IMMP2L: variants seen among roughly 807,000 people sequenced by gnomAD.
IMMP2L encodes mitochondrial inner membrane protease subunit 2.
Under a neutral mutation model 19.3 loss-of-function variants are expected in IMMP2L, and 18 were observed. That is an observed-to-expected ratio of 0.93 (90% CI 0.64 to 1.38). IMMP2L has a LOEUF of 1.38. Ranked by LOEUF, IMMP2L falls within the 40% of genes most tolerant of loss-of-function variation. The pLI, the probability that IMMP2L is intolerant of heterozygous loss-of-function variation, is 0.00. For synonymous variants in IMMP2L, 76 were observed against 73.0 expected, an observed-to-expected ratio of 1.04 and a Z score of -0.21; for missense variants, 233 against 218.2, an observed-to-expected ratio of 1.07 and a Z score of -0.43.
intron 5 of IMMP2L, among the ~76,000 whole-genome samples, chr7:110,668,094 A>G (rs749548722): frequency 6.6e-6 from 1 of 152,112 alleles, no homozygotes; most frequent in Non-Finnish European, 1.5e-5. Context: ...CTTCATAGAA[A>G]TGAAGTCTGT....
chr7:111,291,156 C>T (rs1313099171), intron 3 of IMMP2L, among the ~76,000 whole-genome samples: 1 of 152,022 alleles, frequency 6.6e-6, no homozygotes, highest in Non-Finnish European at 1.5e-5. Flanking sequence ...TAAAAAGAGG[C>T]AGTGGAAAGA....
At chr7:110,902,058 G>T (rs1172771201) in intron 4 of IMMP2L, among the ~76,000 whole-genome samples, 1 of 152,030 alleles carries the variant, frequency 6.6e-6, no homozygotes, top group Non-Finnish European at 1.5e-5. Context: ...AACATGATTA[G>T]TAAGGTAGAA....
chr7:110,704,409 T>C (rs1039953725), intron 5 of IMMP2L, among the ~76,000 whole-genome samples: 2 of 152,342 alleles, frequency 1.3e-5, no homozygotes, highest in Middle Eastern at 3.4e-3. Flanking sequence ...AACTTTCCAA[T>C]GCATGATGTA....
chr7:111,479,732 T>A (rs915997028), intron 3 of IMMP2L, among the ~76,000 whole-genome samples: 1 of 152,074 alleles, frequency 6.6e-6, no homozygotes, highest in African/African-American at 2.4e-5. Flanking sequence ...GAAACAGCAT[T>A]CTCAGAGACT....
intron 3 of IMMP2L, among the ~76,000 whole-genome samples, chr7:111,265,429 G>C (rs1344959689): frequency 6.6e-6 from 1 of 152,090 alleles, no homozygotes; most frequent in Non-Finnish European, 1.5e-5. Flanking sequence ...AACCATTTTG[G>C]AGCAGTGATA....
chr7:110,848,148 T>C lies in IMMP2L; in HGVS notation c.408+38445A>G, dbSNP rs186693479. ...AAGCCACAGACTGTGAGAAAGTATTTGTAAAAGAAATGTCTGATAGAGAAC... is the reference window on the plus strand; with the variant it reads ...AAGCCACAGACTGTGAGAAAGTATTCGTAAAAGAAATGTCTGATAGAGAAC... On this transcript the variant is annotated intron_variant, in intron 5 of 5. Coordinates refer to ENST00000405709, the MANE Select transcript of IMMP2L (RefSeq NM_032549.4). 3.9e-4 allele frequency among the ~76,000 whole-genome samples: 59 copies of C among 152,210 alleles called. 2 individuals are homozygous for C. In the East Asian group the frequency reaches 0.011, roughly 28 times the overall value.
At chr7:111,034,346 T>C (rs542439430) in intron 3 of IMMP2L, among the ~76,000 whole-genome samples, 75 of 152,208 alleles carry the variant, frequency 4.9e-4, no homozygotes, top group Non-Finnish European at 9.3e-4. Flanking sequence ...GTAAGTATAA[T>C]AATGGAGTTA....
At chr7:111,348,883 A>G (rs1031128038) in intron 3 of IMMP2L, among the ~76,000 whole-genome samples, 3 of 152,108 alleles carry the variant, frequency 2.0e-5, no homozygotes, top group Admixed American at 6.6e-5. Flanking sequence ...TGTGTATCTC[A>G]TAAGCTCCTA....
Position 111,123,922 on chromosome 7 carries a change from A to T in IMMP2L, c.240-160357T>A, listed in dbSNP as rs1479856161. ...CATCCGTTGGATGAACATGAACAAA[A>T]CCAACATTCGATTCATGGAGCCAGA... On this transcript the variant is annotated intron_variant, in intron 3 of 5. Transcript: ENST00000405709. The surrounding 1 kb of genome is among the most constrained non-coding windows in gnomAD (Gnocchi z 6.4). 6.2e-7 allele frequency: 1 copy of T among 1,613,844 alleles called. No individual in the cohort carries two copies. Among genetic ancestry groups the T allele is most frequent in the Non-Finnish European group, 8.5e-7 (1 of 1,180,008 alleles).
rs564417264 is a variant in IMMP2L, at chr7:111,273,191, C to T, written c.239+214047G>A. Among the ~76,000 whole-genome samples, 64 of 151,970 alleles carry T rather than the reference C, an allele frequency of 4.2e-4. No individual in the cohort carries two copies. In the South Asian group the frequency reaches 0.013, roughly 31 times the overall value. ...ACTTGGGAGGCTGAGGCAGGGGAAT[C>T]GCTTGTACCCAGGAGGCGGAGGTTG... On this transcript the variant is annotated intron_variant, in intron 3 of 5. Coordinates refer to ENST00000405709, the MANE Select transcript of IMMP2L (RefSeq NM_032549.4).
chr7:110,820,139 T>G (rs563271836), intron 5 of IMMP2L, among the ~76,000 whole-genome samples: 70 of 152,176 alleles, frequency 4.6e-4, no homozygotes, highest in African/African-American at 1.6e-3. Flanking sequence ...TCAATAAGAA[T>G]CTAAATCTAC....
intron 3 of IMMP2L, among the ~76,000 whole-genome samples, chr7:111,277,421 A>G (rs893486833): frequency 6.6e-6 from 1 of 152,116 alleles, no homozygotes; most frequent in African/African-American, 2.4e-5. Flanking sequence ...CAGAATGACT[A>G]TTAAAAAGTC....
intron 5 of IMMP2L, among the ~76,000 whole-genome samples, chr7:110,824,807 G>A (rs111879749): frequency 1.2e-3 from 185 of 152,196 alleles, no homozygotes; most frequent in Admixed American, 2.4e-3. Context: ...AAATGTAAAA[G>A]TGATTTATAT....
intron 3 of IMMP2L, among the ~76,000 whole-genome samples, chr7:111,303,843 A>G (rs960402220): frequency 2.0e-5 from 3 of 152,056 alleles, no homozygotes; most frequent in South Asian, 4.1e-4. Context: ...ATGTGCAATA[A>G]AAGAAAAAAA....
At chr7:110,713,924 C>G (rs1475107001) in intron 5 of IMMP2L, among the ~76,000 whole-genome samples, 1 of 152,078 alleles carries the variant, frequency 6.6e-6, no homozygotes, top group Non-Finnish European at 1.5e-5. Flanking sequence ...TTATTTCTTT[C>G]TTTTGCCTGA....
chr7:111,283,957 C>G (rs1207536639), intron 3 of IMMP2L, among the ~76,000 whole-genome samples: 2 of 118,220 alleles, frequency 1.7e-5, no homozygotes, highest in African/African-American at 7.0e-5. Context: ...GGCGACAGAG[C>G]GAGACTCCGT....
rs1842627384 is a variant in IMMP2L at position 111,486,025 on chromosome 7, C to T, written c.239+1213G>A. ...GAATAATAAGCATATGACAGGCTAACCCAGCATGGAAAAGGTTGTTTAGGA... is the reference window on the plus strand; with the variant it reads ...GAATAATAAGCATATGACAGGCTAATCCAGCATGGAAAAGGTTGTTTAGGA... On this transcript the variant is annotated intron_variant, in intron 3 of 5. Coordinates refer to ENST00000405709, the MANE Select transcript of IMMP2L (RefSeq NM_032549.4). Among the ~76,000 whole-genome samples, 3 of 152,068 alleles carry T rather than the reference C, an allele frequency of 2.0e-5. No individual in the cohort carries two copies. In the South Asian group the frequency reaches 6.2e-4, roughly 32 times the overall value.
At chr7:111,026,501 T>C (rs1370369472) in intron 3 of IMMP2L, among the ~76,000 whole-genome samples, 1 of 152,122 alleles carries the variant, frequency 6.6e-6, no homozygotes, top group African/African-American at 2.4e-5. Context: ...GCAATTTAGA[T>C]TAGATTATTG....
chr7:110,768,483 C>T (rs542244928), intron 5 of IMMP2L, among the ~76,000 whole-genome samples: 3 of 152,198 alleles, frequency 2.0e-5, no homozygotes, highest in Admixed American at 6.5e-5. Context: ...CTGATTTTCA[C>T]ATTAAAAGCT....
Sources: gnomAD v4.1 joint callset for allele counts (sites outside exome capture counted in the v4.1 genomes callset) on GRCh38, gnomAD v4.1.1 for gene constraint, Gnocchi (gnomAD v3.1) non-coding constraint, MANE v1.5 for transcripts, NCBI Gene and HGNC (gene_info 2026-07-23, HGNC 2026-07-21) for gene names.